PCDH9: variants seen among roughly 807,000 people sequenced by gnomAD.
The protein encoded by PCDH9 is protocadherin-9.
A neutral mutation model predicts 70.6 loss-of-function variants in PCDH9; 24 were observed. That is an observed-to-expected ratio of 0.34 (90% CI 0.25 to 0.48). The LOEUF (loss-of-function observed/expected upper bound fraction) is 0.48, where lower values mean the gene tolerates loss of function less well. Ranked by LOEUF, PCDH9 falls within the 20% of genes least tolerant of loss-of-function variation. The probability of loss-of-function intolerance (pLI) is 0.99; values close to 1 mark genes in which losing one functional copy is unlikely to be tolerated. For synonymous variants in PCDH9, 562 were observed against 558.5 expected, an observed-to-expected ratio of 1.01 and a Z score of -0.09; for missense variants, 1,281 against 1,503.6, an observed-to-expected ratio of 0.85 and a Z score of 2.45.
chr13:66,614,685 G>T (rs1313190659), intron 4 of PCDH9, among the ~76,000 whole-genome samples: 2 of 152,214 alleles, frequency 1.3e-5, no homozygotes. Context: ...GCTTATGTTA[G>T]AAATGCTTGT....
chr13:67,069,819 C>T (rs1377623854), intron 2 of PCDH9, among the ~76,000 whole-genome samples: 2 of 151,892 alleles, frequency 1.3e-5, no homozygotes, highest in Non-Finnish European at 2.9e-5. Context: ...ATTTTTGGTA[C>T]TAATTGCTCT....
rs747718825 is a variant in PCDH9, at chr13:66,631,404, C to T, written c.3146G>A (p.Arg1049His). ...ATCAGGGAGATGAAACGTAACACGG[C>T]GCTGCGACTACAAAGAAGACCACAG... ...ENEESHYESQ[R>H]RVTFHLPDGS... The change falls in exon 4 of 5, where the codon CGC (arginine) becomes CAC (histidine). Residue 1049 changes from arginine to histidine, a missense_variant. Arg to His is a conservative substitution (Grantham distance 29). Transcript: ENST00000377865. The T allele has an allele frequency of 2.6e-5, 41 of 1,601,738 alleles. No homozygotes were observed. In the East Asian group the frequency reaches 2.9e-4, roughly 11 times the overall value.
chr13:66,521,953 C>T (rs1288107850), intron 4 of PCDH9, among the ~76,000 whole-genome samples: 6 of 150,996 alleles, frequency 4.0e-5, no homozygotes, highest in South Asian at 2.1e-4. Context: ...TGATACCACA[C>T]TTTAAAGAGT....
intron 4 of PCDH9, among the ~76,000 whole-genome samples, chr13:66,624,196 AT>A (rs1347345878): frequency 6.6e-6 from 1 of 152,184 alleles, no homozygotes; most frequent in Non-Finnish European, 1.5e-5. Context: ...AATTAGTGAA[AT>A]TCTTTCATCA....
At chr13:66,398,004 T>C (rs1001528236) in intron 4 of PCDH9, among the ~76,000 whole-genome samples, 1 of 152,094 alleles carries the variant, frequency 6.6e-6, no homozygotes, top group Non-Finnish European at 1.5e-5. Context: ...TAATCCTAGT[T>C]AATTCAGAAC....
intron 3 of PCDH9, among the ~76,000 whole-genome samples, chr13:66,900,581 C>G (rs2082260901): frequency 1.3e-5 from 2 of 151,778 alleles, no homozygotes; most frequent in East Asian, 3.9e-4. Flanking sequence ...TATAACATTT[C>G]TCTATAAGTA....
chr13:67,123,157 C>T lies in PCDH9; in HGVS notation c.3036+102248G>A, dbSNP rs141921170. Among the ~76,000 whole-genome samples the T allele has an allele frequency of 5.0e-3, 756 of 152,192 alleles. 9 individuals are homozygous for T. Among genetic ancestry groups the T allele is most frequent in the African/African-American group, 0.017 (696 of 41,534 alleles). ...CTTCTAGGCATGTTATAGCAAATACCCTTTTTCTACCCATCTTTATGTTAT... is the reference window on the plus strand; with the variant it reads ...CTTCTAGGCATGTTATAGCAAATACTCTTTTTCTACCCATCTTTATGTTAT... On this transcript the variant is annotated intron_variant, in intron 2 of 4. Transcript: ENST00000377865.
At chr13:66,927,517 C>A (rs1342776214) in intron 2 of PCDH9, among the ~76,000 whole-genome samples, 1 of 151,984 alleles carries the variant, frequency 6.6e-6, no homozygotes, top group African/African-American at 2.4e-5. Flanking sequence ...ATGTAACAAA[C>A]CTGCACGTGG....
chr13:66,554,280 C>A (rs1036263523), intron 4 of PCDH9, among the ~76,000 whole-genome samples: 8 of 152,162 alleles, frequency 5.3e-5, no homozygotes, highest in African/African-American at 1.7e-4. Flanking sequence ...AAATATACAG[C>A]CATTGCTTGA....
At chr13:66,311,354 TTCTC>T (rs540737424) in intron 4 of PCDH9, among the ~76,000 whole-genome samples, 378 of 123,178 alleles carry the variant, frequency 3.1e-3, no homozygotes, top group Middle Eastern at 0.017. Context: ...CTCTCTCTCT[TTCTC>T]TCTCTCTCTG....
At chr13:66,583,613 CAA>C (rs879315168) in intron 4 of PCDH9, among the ~76,000 whole-genome samples, 5 of 133,000 alleles carry the variant, frequency 3.8e-5, no homozygotes, top group Admixed American at 7.6e-5. Flanking sequence ...GACTCCCTCT[CAA>C]AAAAAAAAAA....
chr13:66,665,110 T>C lies in PCDH9; in HGVS notation c.3139-33699A>G, dbSNP rs201794313. On this transcript the variant is annotated intron_variant, in intron 3 of 4. Coordinates refer to ENST00000377865, the MANE Select transcript of PCDH9 (RefSeq NM_203487.3). Reference sequence around the variant, plus strand: ...AGGACTTTTTCTTTCTTTTCTCTCCTTTTTTTTTTTTTTGAGACGGAGTTT... The same window carrying C: ...AGGACTTTTTCTTTCTTTTCTCTCCCTTTTTTTTTTTTTGAGACGGAGTTT... Among the ~76,000 whole-genome samples the C allele has an allele frequency of 1.6e-4, 23 of 140,344 alleles. No homozygotes were observed. In the East Asian group the frequency reaches 3.3e-3, roughly 20 times the overall value. 92.1% of individuals were successfully genotyped at this position (140,344 alleles called of 152,430 possible). A position where few individuals can be genotyped will look rare whatever the true frequency, so the allele number is the denominator to read the frequency against.
intron 2 of PCDH9, among the ~76,000 whole-genome samples, chr13:67,085,353 T>C (rs1472138188): frequency 6.6e-6 from 1 of 151,798 alleles, no homozygotes; most frequent in African/African-American, 2.4e-5. Flanking sequence ...AAAAAACTAA[T>C]AGGAAGAAAA....
At chr13:66,364,140 A>G (rs1259822791) in intron 4 of PCDH9, among the ~76,000 whole-genome samples, 2 of 152,098 alleles carry the variant, frequency 1.3e-5, no homozygotes, top group African/African-American at 4.8e-5. Flanking sequence ...GAGCGACAAG[A>G]GCAAACCTCA....
Position 66,536,685 on chromosome 13 carries a change from A to C in PCDH9, c.3340+94525T>G, listed in dbSNP as rs1453141870. Among the ~76,000 whole-genome samples the C allele has an allele frequency of 2.0e-5, 3 of 152,094 alleles. No homozygotes were observed. The East Asian group carries it at 5.8e-4, about 29-fold the overall frequency. On this transcript the variant is annotated intron_variant, in intron 4 of 4. Coordinates refer to ENST00000377865, the MANE Select transcript of PCDH9 (RefSeq NM_203487.3). ...TCAAATGAATAGATATAGCTTCTGAAAATTGGATGAATGGAATATTTTGAA... is the reference window on the plus strand; with the variant it reads ...TCAAATGAATAGATATAGCTTCTGACAATTGGATGAATGGAATATTTTGAA...
At chr13:67,129,020 G>GT (rs1268548436) in intron 2 of PCDH9, among the ~76,000 whole-genome samples, 2 of 151,942 alleles carry the variant, frequency 1.3e-5, no homozygotes, top group Non-Finnish European at 2.9e-5. Flanking sequence ...ACTGGAAACT[G>GT]TTTTTTTAAT....
At chr13:66,616,836 A>C (rs1056894261) in intron 4 of PCDH9, among the ~76,000 whole-genome samples, 2 of 151,984 alleles carry the variant, frequency 1.3e-5, no homozygotes, top group African/African-American at 4.8e-5. Context: ...CCGCAGTTTC[A>C]CCTTAGCATT....
intron 3 of PCDH9, among the ~76,000 whole-genome samples, chr13:66,691,028 T>A (rs1281733015): frequency 6.6e-6 from 1 of 152,032 alleles, no homozygotes; most frequent in Non-Finnish European, 1.5e-5. Flanking sequence ...TTTGTAAATT[T>A]TATTTATTTA....
chr13:67,133,085 T>C (rs534769955), intron 2 of PCDH9, among the ~76,000 whole-genome samples: 70 of 152,270 alleles, frequency 4.6e-4, no homozygotes, highest in African/African-American at 1.6e-3. Flanking sequence ...TTGCCACTCC[T>C]AGACTGTCTA....
Sources: allele counts gnomAD v4.1 joint callset (sites outside exome capture counted in the v4.1 genomes callset), GRCh38; gene constraint gnomAD v4.1.1; transcripts MANE v1.5; gene names NCBI Gene and HGNC (gene_info 2026-07-23, HGNC 2026-07-21).